Variants in CDH13 observed in about 807,000 individuals in gnomAD.
The protein encoded by CDH13 is cadherin-13.
Under a neutral mutation model 63.8 loss-of-function variants are expected in CDH13, and 24 were observed. The observed-to-expected ratio is 0.38, with a 90% CI of 0.27 to 0.53. CDH13 has a LOEUF of 0.53. CDH13 is among the 20% of genes least tolerant of loss of function. The pLI, the probability that CDH13 is intolerant of heterozygous loss-of-function variation, is 0.85. For missense variants in CDH13, 1,049 were observed against 903.1 expected (o/e 1.16, Z -2.07); for synonymous variants, 503 against 355.3 (o/e 1.42, Z -4.67).
intron 4 of CDH13, among the ~76,000 whole-genome samples, chr16:83,205,411 C>G (rs2039154180): frequency 6.6e-6 from 1 of 152,116 alleles, no homozygotes. Flanking sequence ...CCTCCTCCTC[C>G]AATCTGCTGA....
At chr16:82,707,057 T>A (rs1597372186) in intron 1 of CDH13, among the ~76,000 whole-genome samples, 1 of 152,322 alleles carries the variant, frequency 6.6e-6, no homozygotes, top group East Asian at 1.9e-4. Context: ...GGACAAGGCG[T>A]GGACCATCCC....
intron 7 of CDH13, among the ~76,000 whole-genome samples, chr16:83,508,055 A>AGGAAGGAAGGAAGGAAGGAAGGAAG (rs1343350266): frequency 5.5e-4 from 32 of 58,296 alleles, no homozygotes; most frequent in African/African-American, 2.4e-3. Flanking sequence ...GAGAAAGAGA[A>AGGAAGGAAGGAAGGAAGGAAGGAAG]GAAGGAAGGA....
chr16:83,426,320 G>A (rs2035709), intron 6 of CDH13, among the ~76,000 whole-genome samples: 141,471 of 152,220 alleles, frequency 0.93, 65,791 homozygotes, highest in East Asian at 1. Flanking sequence ...CAGTTTCTTG[G>A]TTTTCATTAT....
intron 7 of CDH13, among the ~76,000 whole-genome samples, chr16:83,584,228 C>A (rs1905921994): frequency 6.6e-6 from 1 of 152,074 alleles, no homozygotes; most frequent in Admixed American, 6.5e-5. Context: ...ACTAAGGAGG[C>A]TGAGGCAGGA....
At chr16:83,400,982 TCA>T (rs2091959847) in intron 6 of CDH13, among the ~76,000 whole-genome samples, 2 of 152,202 alleles carry the variant, frequency 1.3e-5, no homozygotes, top group South Asian at 4.2e-4. Flanking sequence ...GGTGAAGGGA[TCA>T]CTTGAGGCCA....
intron 11 of CDH13, among the ~76,000 whole-genome samples, chr16:83,771,215 A>T (rs895833483): frequency 1.3e-5 from 2 of 152,160 alleles, no homozygotes; most frequent in African/African-American, 4.8e-5. Flanking sequence ...GAAAACGCAC[A>T]GTTCTGCCCT....
At chr16:83,236,830 C>G (rs1219270103) in intron 5 of CDH13, among the ~76,000 whole-genome samples, 2 of 152,012 alleles carry the variant, frequency 1.3e-5, no homozygotes, top group Non-Finnish European at 2.9e-5. Flanking sequence ...GAAGGAGGGC[C>G]TACTTATAGG....
At chr16:82,873,285 A>G (rs1410484613) in intron 2 of CDH13, among the ~76,000 whole-genome samples, 7 of 152,194 alleles carry the variant, frequency 4.6e-5, no homozygotes, top group Non-Finnish European at 1.5e-5. Flanking sequence ...TGTCTTGCAA[A>G]TAGGATTATA....
intron 7 of CDH13, among the ~76,000 whole-genome samples, chr16:83,584,887 A>T (rs1905995436): frequency 1.3e-5 from 2 of 150,250 alleles, no homozygotes; most frequent in Non-Finnish European, 3.0e-5. Context: ...GTCACATGGC[A>T]AAAACAGAAG....
intron 2 of CDH13, among the ~76,000 whole-genome samples, chr16:83,014,842 GTATA>G (rs369072006): frequency 2.2e-4 from 8 of 35,948 alleles, no homozygotes; most frequent in African/African-American, 1.0e-3. Context: ...ATATATATTT[GTATA>G]TATATATTTG....
At chr16:82,985,394 G>A (rs191581736) in intron 2 of CDH13, among the ~76,000 whole-genome samples, 20 of 152,262 alleles carry the variant, frequency 1.3e-4, no homozygotes, top group Admixed American at 1.2e-3. Context: ...AGTTACTTTT[G>A]GAGGAAAATA....
intron 1 of CDH13, among the ~76,000 whole-genome samples, chr16:82,800,301 G>T (rs947812056): frequency 2.0e-5 from 3 of 152,114 alleles, no homozygotes; most frequent in African/African-American, 7.2e-5. Flanking sequence ...CTTTAAAATT[G>T]TATTTTTCTC....
chr16:82,687,745 C>T (rs538206844), intron 1 of CDH13, among the ~76,000 whole-genome samples: 210 of 152,194 alleles, frequency 1.4e-3, no homozygotes, highest in African/African-American at 4.8e-3. Context: ...GGATAGATAT[C>T]ATTTGGAATA....
intron 1 of CDH13, among the ~76,000 whole-genome samples, chr16:82,772,554 A>G (rs961044871): frequency 2.0e-5 from 3 of 152,170 alleles, no homozygotes; most frequent in African/African-American, 7.2e-5. Context: ...TGCTACGCAG[A>G]AAAAAACCTA....
intron 5 of CDH13, among the ~76,000 whole-genome samples, chr16:83,299,882 A>C (rs1484537161): frequency 6.6e-6 from 1 of 152,200 alleles, no homozygotes; most frequent in Non-Finnish European, 1.5e-5. Context: ...GCTCTGCTGG[A>C]GGCCTCAGGC....
intron 2 of CDH13, chr16:82,859,789 T>C (rs2039859879): frequency 6.7e-6 from 1 of 149,402 alleles, no homozygotes. Context: ...TGGGACACAC[T>C]CTAAGAGTCG....
chr16:83,455,799 T>C lies in CDH13; in HGVS notation c.782-30678T>C, dbSNP rs568519605. On this transcript the variant is annotated intron_variant, in intron 6 of 13. Coordinates refer to ENST00000567109, the MANE Select transcript of CDH13 (RefSeq NM_001257.5). Reference sequence around the variant, plus strand: ...CAGGGCCAGGGCAGCATCTCTTCTGTTAGTGGCGCAGCTTTCCCTGTGGAC... The same window carrying C: ...CAGGGCCAGGGCAGCATCTCTTCTGCTAGTGGCGCAGCTTTCCCTGTGGAC... Among the ~76,000 whole-genome samples, 3 of 152,328 alleles carry C rather than the reference T, an allele frequency of 2.0e-5. No homozygotes were observed. In the East Asian group the frequency reaches 5.8e-4, roughly 29 times the overall value.
Position 83,210,876 on chromosome 16 carries a change from G to A in CDH13, c.484-6469G>A, listed in dbSNP as rs967795800. Among the ~76,000 whole-genome samples the A allele has an allele frequency of 2.6e-4, 39 of 151,550 alleles. 1 individual carries two copies. The highest frequency in any genetic ancestry group is 1.3e-4 in the Non-Finnish European group (9 of 67,790). ...AAAAAAAGGTTACTAGAGGCCGGGCGTGGTGGCTCATGCTTCTAATCCGAG... is the reference window on the plus strand; with the variant it reads ...AAAAAAAGGTTACTAGAGGCCGGGCATGGTGGCTCATGCTTCTAATCCGAG... On this transcript the variant is annotated intron_variant, in intron 4 of 13. Coordinates refer to ENST00000567109, the MANE Select transcript of CDH13 (RefSeq NM_001257.5).
chr16:83,333,377 T>C (rs1172299734), intron 5 of CDH13, among the ~76,000 whole-genome samples: 1 of 152,176 alleles, frequency 6.6e-6, no homozygotes, highest in Non-Finnish European at 1.5e-5. Context: ...CTACTGGGAA[T>C]GACTGATTTC....
Sources: allele counts gnomAD v4.1 joint callset (sites outside exome capture counted in the v4.1 genomes callset), GRCh38; gene constraint gnomAD v4.1.1; transcripts MANE v1.5; gene names NCBI Gene and HGNC (gene_info 2026-07-23, HGNC 2026-07-21).